The following ST18 variants were observed in gnomAD, a reference collection of about 807,000 sequenced individuals.
ST18 encodes the protein suppression of tumorigenicity 18 protein.
In ST18, 50 loss-of-function variants were observed where a neutral mutation model predicts 110.0. That is an observed-to-expected ratio of 0.45 (90% CI 0.36 to 0.58). The LOEUF (loss-of-function observed/expected upper bound fraction) is 0.58. Ranked by LOEUF, ST18 falls within the 20% of genes least tolerant of loss-of-function variation. ST18 has a pLI of 0.00. For missense variants in ST18, 1,306 were observed against 1,280.1 expected (o/e 1.02, Z -0.31); for synonymous variants, 461 against 452.4 (o/e 1.02, Z -0.24).
At chr8:52,373,229 T>C (rs1441326731) in intron 2 of ST18, among the ~76,000 whole-genome samples, 1 of 151,986 alleles carries the variant, frequency 6.6e-6, no homozygotes, top group East Asian at 1.9e-4. Flanking sequence ...ATCCTCATTT[T>C]CCCCCTTCAG....
At chr8:52,299,990 G>A (rs972541386) in intron 2 of ST18, among the ~76,000 whole-genome samples, 7 of 152,180 alleles carry the variant, frequency 4.6e-5, no homozygotes, top group East Asian at 1.9e-4. Context: ...AGACCACAGC[G>A]TTGGCAGATA....
chr8:52,117,692 A>C (rs2043038137), intron 24 of ST18, among the ~76,000 whole-genome samples: 1 of 152,212 alleles, frequency 6.6e-6, no homozygotes, highest in Non-Finnish European at 1.5e-5. Context: ...TGGCATAAAA[A>C]TCCTGCATTT....
intron 7 of ST18, among the ~76,000 whole-genome samples, chr8:52,213,244 A>G (rs574445707): frequency 6.6e-6 from 1 of 152,332 alleles, no homozygotes; most frequent in Admixed American, 6.5e-5. Context: ...ATTGTAACTG[A>G]AAAAAATTTT....
At position 52,180,248 on chromosome 8, in the gene ST18, C is replaced by T. The variant is rs566802864; in HGVS notation, c.151G>A (p.Val51Ile). The T allele has an allele frequency of 1.9e-6, 3 of 1,614,196 alleles. No homozygotes were observed. Among genetic ancestry groups the T allele is most frequent in the East Asian group, 4.5e-5 (2 of 44,878 alleles). ...TAEDQALGVPVNKRKSLLMKP... is the reference protein window; with the variant it reads ...TAEDQALGVPINKRKSLLMKP... Reference sequence around the variant, plus strand: ...ATTAGCAGGGATTTCCTTTTGTTGACTGGAACCCCCAAAGCCTGATCTTCA... The same window carrying T: ...ATTAGCAGGGATTTCCTTTTGTTGATTGGAACCCCCAAAGCCTGATCTTCA... The change falls in exon 9 of 26, where the codon GTC becomes ATC. Residue 51 changes from valine to isoleucine, a missense_variant. Coordinates refer to ENST00000689386, the MANE Select transcript of ST18 (RefSeq NM_001352837.2).
At chr8:52,114,336 C>G (rs1473683410) in intron 25 of ST18, among the ~76,000 whole-genome samples, 1 of 152,016 alleles carries the variant, frequency 6.6e-6, no homozygotes, top group Non-Finnish European at 1.5e-5. Flanking sequence ...AGAGCACATG[C>G]TGGATACATG....
chr8:52,380,162 T>C (rs778035046), intron 2 of ST18, among the ~76,000 whole-genome samples: 1 of 152,168 alleles, frequency 6.6e-6, no homozygotes, highest in Non-Finnish European at 1.5e-5. Context: ...AATTGTTTGA[T>C]ATGGACAGTA....
chr8:52,136,298 TTAATACA>T (rs1441649127), intron 19 of ST18, among the ~76,000 whole-genome samples: 1 of 152,218 alleles, frequency 6.6e-6, no homozygotes, highest in Non-Finnish European at 1.5e-5. Flanking sequence ...CAGGTCTGAT[TTAATACA>T]TAGACTGTGA....
intron 17 of ST18, among the ~76,000 whole-genome samples, chr8:52,141,080 C>T (rs914042114): frequency 6.6e-6 from 1 of 152,112 alleles, no homozygotes. Flanking sequence ...TGGAACCATC[C>T]GTTGTATCCG....
chr8:52,153,533 C>T (rs1054627126), intron 15 of ST18, among the ~76,000 whole-genome samples: 3 of 151,996 alleles, frequency 2.0e-5, no homozygotes, highest in African/African-American at 7.2e-5. Context: ...TCTTACTAAA[C>T]GGTAATTATT....
In ST18 at chr8:52,391,921, A is replaced by G. The variant is rs148161167; in HGVS notation, c.-465+17407T>C. 1.6e-4 allele frequency among the ~76,000 whole-genome samples: 24 copies of G among 152,318 alleles called. 1 individual carries two copies. The East Asian group carries it at 4.4e-3, about 28-fold the overall frequency. On this transcript the variant is annotated intron_variant, in intron 2 of 25. Transcript: ENST00000689386. Reference sequence around the variant, plus strand: ...AGGAAAAGGGAAGAAGGGCACTCCAAGTAGATGGAAGAGTAGAAACAAAGG... The same window carrying G: ...AGGAAAAGGGAAGAAGGGCACTCCAGGTAGATGGAAGAGTAGAAACAAAGG...
At chr8:52,202,099 G>A (rs1271962569) in intron 8 of ST18, among the ~76,000 whole-genome samples, 1 of 152,138 alleles carries the variant, frequency 6.6e-6, no homozygotes. Context: ...GGGCTCAGGT[G>A]TTCTTATCAC....
chr8:52,372,182 G>C (rs536718378), intron 2 of ST18, among the ~76,000 whole-genome samples: 9 of 151,924 alleles, frequency 5.9e-5, no homozygotes, highest in Non-Finnish European at 1.2e-4. Context: ...TTTTGTGTGG[G>C]TTTTGGTCTT....
intron 2 of ST18, among the ~76,000 whole-genome samples, chr8:52,392,472 T>C (rs566180739): frequency 6.6e-6 from 1 of 152,232 alleles, no homozygotes; most frequent in Non-Finnish European, 1.5e-5. Context: ...AGCTTAAGAA[T>C]AGGGAAGACA....
rs2042159717 is a variant in ST18, at chr8:52,115,365, G to A, written c.3003+910C>T. On this transcript the variant is annotated intron_variant, in intron 25 of 25. Transcript: ENST00000689386. Reference sequence around the variant, plus strand: ...CTGTATTTAAGAATATGTAAAAGAAGTTAATTTTCTATGAATTCCAAATAC... The same window carrying A: ...CTGTATTTAAGAATATGTAAAAGAAATTAATTTTCTATGAATTCCAAATAC... Among the ~76,000 whole-genome samples the A allele has an allele frequency of 1.3e-5, 2 of 152,154 alleles. 1 individual carries two copies. Among genetic ancestry groups the A allele is most frequent in the Admixed American group, 1.3e-4 (2 of 15,282 alleles).
intron 8 of ST18, 116 bp downstream of exon 8, chr8:52,211,963 G>T: frequency 9.5e-7 from 1 of 1,050,178 alleles, no homozygotes; most frequent in Non-Finnish European, 1.4e-6. Flanking sequence ...GATGGAAAAA[G>T]CCCTTTAGCC....
chr8:52,269,382 AC>A (rs1175011378), intron 2 of ST18, among the ~76,000 whole-genome samples: 1 of 152,208 alleles, frequency 6.6e-6, no homozygotes, highest in Non-Finnish European at 1.5e-5. Flanking sequence ...GTTCTGGGAA[AC>A]CAGGCTTCAG....
Position 52,149,733 on chromosome 8 carries a change from T to C in ST18, c.2051A>G (p.Glu684Gly). ...KTHGKTEEEK[E>G]KDPVSSLENL... ...TTGATTGACATATGGAAACAATACCTCTTTCTCCTCCTCTGTCTTCCCGTG... is the reference window on the plus strand; with the variant it reads ...TTGATTGACATATGGAAACAATACCCCTTTCTCCTCCTCTGTCTTCCCGTG... The change falls in exon 16 of 26, where the codon GAG becomes GGG. Residue 684 changes from glutamate to glycine, a missense_variant and splice_region_variant. By Grantham distance (98) the Glu-to-Gly change is moderately conservative. Transcript: ENST00000689386. 1 of 1,613,530 alleles carries C rather than the reference T, an allele frequency of 6.2e-7. No individual in the cohort carries two copies. The highest frequency in any genetic ancestry group is 8.5e-7 in the Non-Finnish European group (1 of 1,179,664).
At chr8:52,341,498 C>G (rs1814999578) in intron 2 of ST18, among the ~76,000 whole-genome samples, 1 of 152,210 alleles carries the variant, frequency 6.6e-6, no homozygotes, top group African/African-American at 2.4e-5. Context: ...CCTTGCATGG[C>G]AAAGGGCAAT....
chr8:52,172,432 C>A lies in ST18; in HGVS notation c.429G>T (p.Gln143His). ...LGKFEKNVSV[Q>H]TVSENLNDSG... ...TGTCATTTAAATTTTCACTTACAGT[C>A]TGAACAGATACATTTTTTTCAAATT... The change falls in exon 10 of 26, where the codon CAG (glutamine) becomes CAT (histidine). Residue 143 changes from glutamine (Q) to histidine (H), a missense_variant. Physicochemically the swap from Gln to His is conservative, Grantham distance 24. Coordinates refer to ENST00000689386, the MANE Select transcript of ST18 (RefSeq NM_001352837.2). 1 of 1,613,914 alleles carries A rather than the reference C, an allele frequency of 6.2e-7. No homozygotes were observed.
Sources: allele counts gnomAD v4.1 joint callset (sites outside exome capture counted in the v4.1 genomes callset), GRCh38; gene constraint gnomAD v4.1.1; transcripts MANE v1.5; gene names NCBI Gene and HGNC (gene_info 2026-07-23, HGNC 2026-07-21).